The following CDH23 variants were observed in gnomAD, a reference collection of about 807,000 sequenced individuals.
CDH23 encodes the protein cadherin related 23, also known as cadherin-23.
In CDH23, 189 loss-of-function variants were observed where a neutral mutation model predicts 317.1. That is an observed-to-expected ratio of 0.60 (90% confidence interval 0.53 to 0.67). The LOEUF (loss-of-function observed/expected upper bound fraction) is 0.67. CDH23 is among the 30% of genes least tolerant of loss of function. The pLI is 0.00. For missense variants in CDH23, 4,401 were observed against 4,592.4 expected, an observed-to-expected ratio of 0.96 and a Z score of 1.20; for synonymous variants, 1,839 against 1,876.8, an observed-to-expected ratio of 0.98 and a Z score of 0.52.
chr10:71,584,480 C>T (rs1048752617), intron 9 of CDH23, among the ~76,000 whole-genome samples: 2 of 151,542 alleles, frequency 1.3e-5, no homozygotes, highest in East Asian at 1.9e-4. Context: ...TGAGGAGGTA[C>T]ATTGAGTGCT....
intron 60 of CDH23, among the ~76,000 whole-genome samples, chr10:71,808,209 C>A (rs543217356): frequency 5.9e-5 from 9 of 152,304 alleles, no homozygotes; most frequent in African/African-American, 1.7e-4. Context: ...ATCTACCCAC[C>A]AGCCCTTTCT....
chr10:71,497,643 G>A (rs1031226038), intron 3 of CDH23, among the ~76,000 whole-genome samples: 11 of 152,304 alleles, frequency 7.2e-5, no homozygotes, highest in Middle Eastern at 3.4e-3. Flanking sequence ...GCTGCGGAGC[G>A]CCTTCCTTGT....
At chr10:71,578,734 C>G (rs1858415060) in intron 9 of CDH23, among the ~76,000 whole-genome samples, 1 of 152,104 alleles carries the variant, frequency 6.6e-6, no homozygotes, top group Non-Finnish European at 1.5e-5. Flanking sequence ...CCATACATGC[C>G]ATACACAGCC....
chr10:71,607,719 A>T (rs1057138445), intron 9 of CDH23, among the ~76,000 whole-genome samples: 11 of 152,226 alleles, frequency 7.2e-5, no homozygotes, highest in Admixed American at 3.3e-4. Context: ...CCTGGGCAAC[A>T]TGGTGAAACC....
intron 18 of CDH23, among the ~76,000 whole-genome samples, chr10:71,686,952 A>G (rs11596713): frequency 0.15 from 23,517 of 152,168 alleles, 1,966 homozygotes; most frequent in South Asian, 0.22. Flanking sequence ...GAAGTTGCCC[A>G]CCCTACCCTG....
chr10:71,658,595 G>A (rs1041334373), intron 14 of CDH23, among the ~76,000 whole-genome samples: 5 of 152,224 alleles, frequency 3.3e-5, no homozygotes, highest in Admixed American at 1.3e-4. Context: ...AGGATACTGC[G>A]TTCATCCCAG....
intron 6 of CDH23, among the ~76,000 whole-genome samples, chr10:71,557,817 G>C (rs7069899): frequency 1.3e-5 from 2 of 151,954 alleles, no homozygotes; most frequent in Non-Finnish European, 2.9e-5. Context: ...GAAAGTCTCA[G>C]GATTTTTTAA....
At chr10:71,452,854 C>A (rs1395287982) in intron 3 of CDH23, among the ~76,000 whole-genome samples, 1 of 152,168 alleles carries the variant, frequency 6.6e-6, no homozygotes, top group Non-Finnish European at 1.5e-5. Context: ...TCCTGTGAGA[C>A]CTTGCAGTGA....
chr10:71,754,185 C>G (rs1840074865), intron 38 of CDH23, among the ~76,000 whole-genome samples: 1 of 152,172 alleles, frequency 6.6e-6, no homozygotes, highest in African/African-American at 2.4e-5. Context: ...CTGTTCCAAG[C>G]CCTTTACCTG....
At chr10:71,663,793 CTT>C (rs1353479544) in intron 14 of CDH23, among the ~76,000 whole-genome samples, 1 of 152,146 alleles carries the variant, frequency 6.6e-6, no homozygotes, top group Admixed American at 6.5e-5. Flanking sequence ...CAGCCAGTCT[CTT>C]TGCCTGTAAA....
chr10:71,461,393 A>C (rs940579800), intron 3 of CDH23, among the ~76,000 whole-genome samples: 1 of 152,206 alleles, frequency 6.6e-6, no homozygotes, highest in Non-Finnish European at 1.5e-5. Context: ...AGCCCACAAG[A>C]CATCCATCCT....
At chr10:71,417,952 T>C (rs1309709129) in intron 1 of CDH23, among the ~76,000 whole-genome samples, 6 of 152,256 alleles carry the variant, frequency 3.9e-5, no homozygotes, top group Admixed American at 3.9e-4. Context: ...TTCACTCATC[T>C]TCTCTTCAAC....
intron 11 of CDH23, 51 bp downstream of exon 11, chr10:71,617,444 A>G: frequency 1.3e-6 from 2 of 1,589,092 alleles, no homozygotes; most frequent in Non-Finnish European, 1.7e-6. Flanking sequence ...ATCCAGACCC[A>G]CCACCCTGCC....
At chr10:71,480,200 A>T (rs1268171009) in intron 3 of CDH23, among the ~76,000 whole-genome samples, 1 of 152,198 alleles carries the variant, frequency 6.6e-6, no homozygotes, top group Non-Finnish European at 1.5e-5. Context: ...GGGACTGGAA[A>T]ATGAGGGGTT....
intron 6 of CDH23, among the ~76,000 whole-genome samples, chr10:71,515,983 A>G (rs1398129954): frequency 1.3e-5 from 2 of 152,252 alleles, no homozygotes; most frequent in African/African-American, 4.8e-5. Flanking sequence ...GAGGCTGAGT[A>G]GGAGTTTGTT....
At chr10:71,467,382 C>G (rs935542212) in intron 3 of CDH23, among the ~76,000 whole-genome samples, 16 of 152,316 alleles carry the variant, frequency 1.1e-4, no homozygotes, top group Non-Finnish European at 2.1e-4. Flanking sequence ...TCTGGTTGAG[C>G]AGGTCTGAGG....
intron 6 of CDH23, among the ~76,000 whole-genome samples, chr10:71,519,541 C>G (rs1343627655): frequency 2.0e-5 from 3 of 152,210 alleles, no homozygotes; most frequent in Non-Finnish European, 4.4e-5. Flanking sequence ...GAACCTGTGT[C>G]CATCTGTGAC....
intron 11 of CDH23, among the ~76,000 whole-genome samples, chr10:71,639,837 A>C (rs1862454322): frequency 6.6e-6 from 1 of 152,140 alleles, no homozygotes; most frequent in Admixed American, 6.5e-5. Flanking sequence ...AAACTGGAAT[A>C]TCTCTCTCTC....
At chr10:71,492,988 C>T (rs1028042311) in intron 3 of CDH23, among the ~76,000 whole-genome samples, 1 of 152,132 alleles carries the variant, frequency 6.6e-6, no homozygotes, top group Non-Finnish European at 1.5e-5. Context: ...AGTGGAACCT[C>T]AGCGCCTGAC....
Sources: gnomAD v4.1 joint callset for allele counts (sites outside exome capture counted in the v4.1 genomes callset) on GRCh38, gnomAD v4.1.1 for gene constraint, MANE v1.5 for transcripts, NCBI Gene and HGNC (gene_info 2026-07-23, HGNC 2026-07-21) for gene names.